The following IGSF9 variants were observed in gnomAD, a reference collection of about 807,000 sequenced individuals.
IGSF9 encodes the protein protein turtle homolog A.
A neutral mutation model predicts 121.7 loss-of-function variants in IGSF9; 87 were observed. The observed-to-expected ratio is 0.71, with a 90% CI of 0.60 to 0.85. The LOEUF (loss-of-function observed/expected upper bound fraction) is 0.85, where lower values mean the gene tolerates loss of function less well. Among genes scored for constraint, IGSF9 ranks in the 40% least tolerant of loss-of-function variants. IGSF9 has a pLI of 0.00. For missense variants in IGSF9, 1,462 were observed against 1,565.3 expected (o/e 0.93, Z 1.11); for synonymous variants, 640 against 648.4 (o/e 0.99, Z 0.20).
rs1650769115 is a variant in IGSF9, at chr1:159,927,278, GGTCT to G, written c.*63_*66del. 1.3e-6 allele frequency: 2 copies of G among 1,589,150 alleles called. No homozygotes were observed. Among genetic ancestry groups the G allele is most frequent in the Non-Finnish European group, 1.7e-6 (2 of 1,160,240 alleles). ...GGGGCAGTGCCCTCGTTTGAAACTA[GGTCT>G]GTCTGGTTGGGGGCCTCCTTTGCAG... On this transcript the variant is annotated 3_prime_UTR_variant, in exon 21 of 21. Transcript: ENST00000368094.
In IGSF9 at chr1:159,931,396, CA is replaced by C; in HGVS notation, c.1513+56del. The C allele has an allele frequency of 6.3e-7, 1 of 1,599,204 alleles. No individual in the cohort carries two copies. Among genetic ancestry groups the C allele is most frequent in the Non-Finnish European group, 8.5e-7 (1 of 1,170,526 alleles). ...ACCCATGATCCTCTTTCTGGGCCTC[CA>C]AAAACGATTCCCAAGTAGTTTCTCC... On this transcript the variant is annotated intron_variant, in intron 12 of 20. Transcript: ENST00000368094. This position sits in a 1 kb window ranked among gnomAD's most constrained non-coding sequence, Gnocchi z 4.8.
At position 159,929,080 on chromosome 1, in the gene IGSF9, G is replaced by A. The variant is rs1477016728; in HGVS notation, c.2370-62C>T. 4.7e-6 allele frequency: 7 copies of A among 1,484,178 alleles called. No individual in the cohort carries two copies. The African/African-American group carries it at 8.4e-5, about 18-fold the overall frequency. The allele number at this position is 1,484,178 out of a possible 1,614,324, so 91.9% of individuals were successfully genotyped here. A position where few individuals can be genotyped will look rare whatever the true frequency, so the allele number is the denominator to read the frequency against. ...GCAGGTCCCCCTCCCAGGAGCCAGC[G>A]TCAGGCCTTGAGAGGTTTGGTGAAC... On this transcript the variant is annotated intron_variant, in intron 18 of 20. Transcript: ENST00000368094.
intron 4 of IGSF9, among the ~76,000 whole-genome samples, 173 bp downstream of exon 4, chr1:159,937,513 A>T (rs1651232657): frequency 6.6e-6 from 1 of 151,714 alleles, no homozygotes; most frequent in Non-Finnish European, 1.5e-5. Context: ...AGTGTGGGGG[A>T]GGGGTGAGAT....
At chr1:159,943,924 G>T (rs1651498257) in intron 1 of IGSF9, among the ~76,000 whole-genome samples, 1 of 152,114 alleles carries the variant, frequency 6.6e-6, no homozygotes, top group African/African-American at 2.4e-5. Context: ...CATTCTGAGG[G>T]TCTTGAAAAA....
chr1:159,928,989 C>G lies in IGSF9; in HGVS notation c.2399G>C (p.Ser800Thr), dbSNP rs1268863205. 7 of 1,519,068 alleles carry G rather than the reference C, an allele frequency of 4.6e-6. No individual in the cohort carries two copies. The highest frequency in any genetic ancestry group is 6.2e-6 in the Non-Finnish European group (7 of 1,134,754). The allele number at this position is 1,519,068 out of a possible 1,614,324, so 94.1% of individuals were successfully genotyped here. Reference protein sequence around the residue: ...PSALGSGSPDSVAKLKLQGSP... With the variant: ...PSALGSGSPDTVAKLKLQGSP... Reference sequence around the variant, plus strand: ...TCCCTGGAGCTTCAGCTTCGCCACGCTGTCAGGACTGCCTGAGCCCAGAGC... The same window carrying G: ...TCCCTGGAGCTTCAGCTTCGCCACGGTGTCAGGACTGCCTGAGCCCAGAGC... The change falls in exon 19 of 21, where the codon AGC (serine) becomes ACC (threonine). Residue 800 changes from serine to threonine, a missense_variant. By Grantham distance (58) the Ser-to-Thr change is moderately conservative (BLOSUM62 1). This residue lies in a region of IGSF9 where 808 missense variants were observed against 815.2 expected (regional missense o/e 0.99). Transcript: ENST00000368094.
At chr1:159,943,185 G>T in intron 2 of IGSF9, 34 bp from the exon 3 acceptor site, 2 of 1,559,552 alleles carry the variant, frequency 1.3e-6, no homozygotes, top group Non-Finnish European at 1.7e-6. Context: ...CACAACGGGG[G>T]GCTAGGGTCA....
At position 159,931,590 on chromosome 1, in the gene IGSF9, A is replaced by T; in HGVS notation, c.1376T>A (p.Leu459Gln). 6.2e-7 allele frequency: 1 copy of T among 1,613,872 alleles called. No individual in the cohort carries two copies. The highest frequency in any genetic ancestry group is 1.3e-5 in the African/African-American group (1 of 75,028). The change falls in exon 12 of 21, where the codon CTG (leucine) becomes CAG (glutamine). Residue 459 changes from leucine (L) to glutamine (Q), a missense_variant. Leu to Gln is a moderately radical substitution (Grantham distance 113). Around this residue, in one of 3 missense-constraint regions of IGSF9, gnomAD observed 96 missense variants for 150.7 expected, o/e 0.64. Coordinates refer to ENST00000368094, the MANE Select transcript of IGSF9 (RefSeq NM_001135050.2). This position sits in a 1 kb window ranked among gnomAD's most constrained non-coding sequence, Gnocchi z 4.8. ...VVSWTKVGRGLQGQAQVDSNS... is the reference protein window; with the variant it reads ...VVSWTKVGRGQQGQAQVDSNS... ...GCTGTCCACCTGGGCCTGGCCTTGC[A>T]GCCCCCGGCCCACCTACAGAACCAC...
rs766955570 is a variant in IGSF9 at position 159,931,250 on chromosome 1, G to A, written c.1525C>T (p.His509Tyr). The stretch of plus-strand genomic sequence containing the variant: ...ACCACGGACACATTGGTGACAACAT[G>A]AGGGCTAGTGCCTAGGCAGGGGGGA... Reference protein sequence around the residue: ...TNVYVLGTSPHVVTNVSVVAL... With the variant: ...TNVYVLGTSPYVVTNVSVVAL... The change falls in exon 13 of 21, where the codon CAT becomes TAT. Residue 509 changes from histidine (H) to tyrosine (Y), a missense_variant. Around this residue, in one of 3 missense-constraint regions of IGSF9, gnomAD observed 96 missense variants for 150.7 expected, o/e 0.64. Coordinates refer to ENST00000368094, the MANE Select transcript of IGSF9 (RefSeq NM_001135050.2). The surrounding 1 kb of genome is among the most constrained non-coding windows in gnomAD (Gnocchi z 4.8). 1.2e-6 allele frequency: 2 copies of A among 1,614,128 alleles called. No individual in the cohort carries two copies. Among genetic ancestry groups the A allele is most frequent in the South Asian group, 2.2e-5 (2 of 91,086 alleles).
chr1:159,938,375 A>G (rs917477195), intron 3 of IGSF9, among the ~76,000 whole-genome samples: 14 of 152,202 alleles, frequency 9.2e-5, no homozygotes, highest in Non-Finnish European at 1.5e-4. Flanking sequence ...TAGGGTGGCC[A>G]GAGTCCAGCC....
rs781604563 is a variant in IGSF9 at position 159,930,390 on chromosome 1, C to T, written c.1863G>A (p.Pro621=). The part of the protein sequence containing the change: ...AAPGLPPTEI[P]PPLSPPRGLV... The stretch of plus-strand genomic sequence containing the variant: ...GACCCCGCGGAGGGGACAGGGGAGG[C>T]GGTATCTCTGTTGGGGGAAGCCCGG... Residue 621 remains proline, a synonymous_variant, in exon 15 of 21, where the codon CCG becomes CCA. Coordinates refer to ENST00000368094, the MANE Select transcript of IGSF9 (RefSeq NM_001135050.2). The T allele has an allele frequency of 2.5e-6, 4 of 1,572,742 alleles. No individual in the cohort carries two copies. Among genetic ancestry groups the T allele is most frequent in the South Asian group, 1.2e-5 (1 of 85,600 alleles).
At chr1:159,945,327 C>A (rs757363275) in intron 1 of IGSF9, among the ~76,000 whole-genome samples, 2 of 151,860 alleles carry the variant, frequency 1.3e-5, no homozygotes, top group Non-Finnish European at 2.9e-5. Context: ...TCTCTGGTCC[C>A]CTGGAACTCC....
Position 159,931,838 on chromosome 1 carries a change from G to A in IGSF9, c.1336C>T (p.Pro446Ser). 6.3e-7 allele frequency: 1 copy of A among 1,588,176 alleles called. No individual in the cohort carries two copies. Among genetic ancestry groups the A allele is most frequent in the Middle Eastern group, 1.7e-4 (1 of 5,866 alleles). ...LLIPCSAQGD[P>S]PPVVSWTKVG... is the part of the protein sequence containing the mutation. ...TTGGTCCAAGAGACAACAGGAGGAG[G>A]GTCCCCTTGGGCGGAGCAGGGGATG... Residue 446 changes from proline to serine, a missense_variant, in exon 11 of 21, where the codon CCT becomes TCT. Physicochemically the swap from Pro to Ser is moderately conservative, Grantham distance 74. This residue lies in a region of IGSF9 where 558 missense variants were observed against 599.4 expected (regional missense o/e 0.93). Coordinates refer to ENST00000368094, the MANE Select transcript of IGSF9 (RefSeq NM_001135050.2). This position sits in a 1 kb window ranked among gnomAD's most constrained non-coding sequence, Gnocchi z 4.8.
Position 159,928,872 on chromosome 1 carries a change from G to A in IGSF9, c.2516C>T (p.Pro839Leu), listed in dbSNP as rs778205242. ...PHPDPPSSRG[P>L]LPLEPICRGP... is the part of the protein sequence containing the mutation. ...CCGGCAAATGGGCTCCAGAGGTAAGGGTCCCCGGCTAGATGGAGGATCCGG... is the reference window on the plus strand; with the variant it reads ...CCGGCAAATGGGCTCCAGAGGTAAGAGTCCCCGGCTAGATGGAGGATCCGG... The change falls in exon 19 of 21, where the codon CCC (proline) becomes CTC (leucine). Residue 839 changes from proline (P) to leucine (L), a missense_variant. Around this residue, in one of 3 missense-constraint regions of IGSF9, gnomAD observed 808 missense variants for 815.2 expected, o/e 0.99. Coordinates refer to ENST00000368094, the MANE Select transcript of IGSF9 (RefSeq NM_001135050.2). The A allele has an allele frequency of 3.8e-6, 6 of 1,592,354 alleles. No individual in the cohort carries two copies. Among genetic ancestry groups the A allele is most frequent in the Non-Finnish European group, 8.5e-7 (1 of 1,170,104 alleles).
In IGSF9 at chr1:159,927,510, C is replaced by G; in HGVS notation, c.3375G>C (p.Glu1125Asp). 6.2e-7 allele frequency: 1 copy of G among 1,612,880 alleles called. No individual in the cohort carries two copies. Among genetic ancestry groups the G allele is most frequent in the African/African-American group, 1.3e-5 (1 of 75,030 alleles). The change falls in exon 21 of 21, where the codon GAG (glutamate) becomes GAC (aspartate). Residue 1125 changes from glutamate to aspartate, a missense_variant. Physicochemically the swap from Glu to Asp is conservative, Grantham distance 45. Coordinates refer to ENST00000368094, the MANE Select transcript of IGSF9 (RefSeq NM_001135050.2). The part of the protein sequence containing the change: ...AEPELGVKTP[E>D]EGCLLNTAHV... ...GGGCAGTGTTCAGGAGGCAGCCCTC[C>G]TCTGGAGTCTTCACACCTGCAAGAG... is the stretch of plus-strand genomic sequence containing the variant.
In IGSF9 at chr1:159,929,915, TGCTGGGGTCGCTGACGAA is replaced by T; in HGVS notation, c.2107_2124del (p.Phe703_Ser708del). ...CCGGAAGTGGAGACGTTGGCCGTGT[TGCTGGGGTCGCTGACGAA>T]GCTGCCCGCGAAGGCCACGAGGCGG... On this transcript the variant is annotated inframe_deletion, in exon 16 of 21. Transcript: ENST00000368094. 1.3e-6 allele frequency: 2 copies of T among 1,577,140 alleles called. No homozygotes were observed. Among genetic ancestry groups the T allele is most frequent in the Non-Finnish European group, 1.7e-6 (2 of 1,162,002 alleles).
chr1:159,930,569 C>T, intron 14 of IGSF9, 123 bp downstream of exon 14: 2 of 1,534,990 alleles, frequency 1.3e-6, no homozygotes, highest in Non-Finnish European at 1.8e-6. Flanking sequence ...TCCACACACC[C>T]CTCTGGACCC....
At chr1:159,936,342 G>C in intron 6 of IGSF9, 57 bp downstream of exon 6, 1 of 1,467,216 alleles carries the variant, frequency 6.8e-7, no homozygotes, top group Non-Finnish European at 9.5e-7. Flanking sequence ...TTCAGCCACA[G>C]GTCACAGCCC....
At chr1:159,927,978 C>T (rs1046812817) in intron 19 of IGSF9, 91 bp from the exon 20 acceptor site, 58 of 1,520,530 alleles carry the variant, frequency 3.8e-5, no homozygotes, top group Admixed American at 7.8e-5. Flanking sequence ...CGCAAACTCA[C>T]GTTAGGTCAT....
chr1:159,931,002 C>G lies in IGSF9; in HGVS notation c.1638-135G>C. 1 of 1,465,594 alleles carries G rather than the reference C, an allele frequency of 6.8e-7. No individual in the cohort carries two copies. Among genetic ancestry groups the G allele is most frequent in the South Asian group, 1.3e-5 (1 of 75,846 alleles). The allele number at this position is 1,465,594 out of a possible 1,614,324, so 90.8% of individuals were successfully genotyped here. A position where few individuals can be genotyped will look rare whatever the true frequency, so the allele number is the denominator to read the frequency against. Reference sequence around the variant, plus strand: ...ACCTTGGCCCTGAATGCCTCAGAATCTGGAAACAGGGAAGCAGAGCCAGGA... The same window carrying G: ...ACCTTGGCCCTGAATGCCTCAGAATGTGGAAACAGGGAAGCAGAGCCAGGA... On this transcript the variant is annotated intron_variant, in intron 13 of 20. Coordinates refer to ENST00000368094, the MANE Select transcript of IGSF9 (RefSeq NM_001135050.2). This position sits in a 1 kb window ranked among gnomAD's most constrained non-coding sequence, Gnocchi z 4.8.
Sources: allele counts gnomAD v4.1 joint callset (sites outside exome capture counted in the v4.1 genomes callset), GRCh38; gene constraint gnomAD v4.1.1; regional missense constraint gnomAD v4.1.1; non-coding constraint Gnocchi (gnomAD v3.1); transcripts MANE v1.5; gene names NCBI Gene and HGNC (gene_info 2026-07-23, HGNC 2026-07-21).